The following CALCR variants were observed in gnomAD, a reference collection of about 807,000 sequenced individuals.
CALCR encodes the protein calcitonin receptor.
In CALCR, 47 loss-of-function variants were observed where a neutral mutation model predicts 59.5. The ratio of observed to expected loss-of-function variants is 0.79; its 90% CI spans 0.63 to 1.01. The LOEUF (loss-of-function observed/expected upper bound fraction) is 1.01, where lower values mean the gene tolerates loss of function less well. Ranked by LOEUF, CALCR falls within the 50% of genes least tolerant of loss-of-function variation. The probability of loss-of-function intolerance (pLI) is 0.00; values close to 1 mark genes in which losing one functional copy is unlikely to be tolerated. For missense variants in CALCR, 566 were observed against 597.1 expected, an observed-to-expected ratio of 0.95 and a Z score of 0.54; for synonymous variants, 213 against 211.3, an observed-to-expected ratio of 1.01 and a Z score of -0.07.
chr7:93,554,025 G>C (rs1410697903), intron 2 of CALCR, among the ~76,000 whole-genome samples: 1 of 152,130 alleles, frequency 6.6e-6, no homozygotes, highest in African/African-American at 2.4e-5. Context: ...GCTTTTGTTA[G>C]TTTGTTTAAG....
intron 2 of CALCR, among the ~76,000 whole-genome samples, chr7:93,564,571 G>T (rs2116275883): frequency 6.6e-6 from 1 of 152,128 alleles, no homozygotes; most frequent in East Asian, 1.9e-4. Flanking sequence ...TCCTGCCTCA[G>T]CCTCCCAAGT....
intron 7 of CALCR, among the ~76,000 whole-genome samples, chr7:93,463,200 C>T (rs1800374478): frequency 6.6e-6 from 1 of 151,598 alleles, no homozygotes; most frequent in Non-Finnish European, 1.5e-5. Flanking sequence ...TGTTGTTCAA[C>T]ACTAGTTAAA....
chr7:93,498,119 A>G (rs1261074461), intron 2 of CALCR, among the ~76,000 whole-genome samples: 1 of 151,706 alleles, frequency 6.6e-6, no homozygotes, highest in Non-Finnish European at 1.5e-5. Flanking sequence ...GAAACAAAAC[A>G]ATGATATAAG....
chr7:93,438,404 T>C (rs374452124), intron 9 of CALCR, 134 bp from the exon 10 acceptor site: 8 of 691,750 alleles, frequency 1.2e-5, no homozygotes, highest in African/African-American at 9.0e-5. Context: ...TCCCCTGATA[T>C]TTTCACAAAA....
rs981351624 is a variant in CALCR at position 93,426,294 on chromosome 7, T to C, written c.*62A>G. ...CTGGGAGGATGGAGAATACTTTAAA[T>C]GCATGGTCTTTCTCCCAGGAAATGA... On this transcript the variant is annotated 3_prime_UTR_variant, in exon 14 of 14. Coordinates refer to ENST00000426151, the MANE Select transcript of CALCR (RefSeq NM_001742.4). 4.3e-5 allele frequency: 39 copies of C among 910,120 alleles called. No homozygotes were observed. The highest frequency in any genetic ancestry group is 1.2e-4 in the Admixed American group (7 of 57,910). 56.4% of individuals were successfully genotyped at this position (910,120 alleles called of 1,614,324 possible).
intron 3 of CALCR, among the ~76,000 whole-genome samples, chr7:93,484,568 A>C (rs1682547716): frequency 6.6e-6 from 1 of 151,782 alleles, no homozygotes; most frequent in Non-Finnish European, 1.5e-5. Context: ...CACATTTCAA[A>C]ATAAGAAAGG....
At chr7:93,476,701 T>C (rs1291383775) in intron 5 of CALCR, among the ~76,000 whole-genome samples, 2 of 151,866 alleles carry the variant, frequency 1.3e-5, no homozygotes, top group African/African-American at 2.4e-5. Flanking sequence ...GCACAACAGC[T>C]CTTCGTGCCA....
At chr7:93,449,044 T>C (rs1440594029) in intron 8 of CALCR, among the ~76,000 whole-genome samples, 1 of 151,990 alleles carries the variant, frequency 6.6e-6, no homozygotes, top group Non-Finnish European at 1.5e-5. Context: ...ATTTAAAAAT[T>C]ATTTCGAAAT....
intron 2 of CALCR, among the ~76,000 whole-genome samples, chr7:93,525,392 C>T (rs1003350516): frequency 6.6e-6 from 1 of 152,036 alleles, no homozygotes; most frequent in Non-Finnish European, 1.5e-5. Flanking sequence ...TCAGAAGTGA[C>T]CTGGTTGGAT....
At chr7:93,500,507 A>G (rs1228396231) in intron 2 of CALCR, among the ~76,000 whole-genome samples, 1 of 152,004 alleles carries the variant, frequency 6.6e-6, no homozygotes, top group Non-Finnish European at 1.5e-5. Flanking sequence ...ACCAATACTT[A>G]CTAGCAATAA....
chr7:93,525,555 C>T (rs1183791372), intron 2 of CALCR, among the ~76,000 whole-genome samples: 1 of 152,192 alleles, frequency 6.6e-6, no homozygotes, highest in Non-Finnish European at 1.5e-5. Context: ...TCAATTCAAA[C>T]CTACTTTGTC....
At chr7:93,496,003 A>T (rs1801193876) in intron 2 of CALCR, 6 of 1,217,354 alleles carry the variant, frequency 4.9e-6, no homozygotes, top group Non-Finnish European at 6.9e-6. Context: ...AAAATCAGTA[A>T]ATCAATGATA....
At chr7:93,465,121 C>T (rs192296014) in intron 7 of CALCR, among the ~76,000 whole-genome samples, 66 of 151,968 alleles carry the variant, frequency 4.3e-4, no homozygotes, top group Admixed American at 7.9e-4. Context: ...ACATGGATAA[C>T]AATGAGTCAA....
chr7:93,435,515 C>T (rs1160052399), intron 12 of CALCR, among the ~76,000 whole-genome samples: 2 of 152,100 alleles, frequency 1.3e-5, no homozygotes, highest in African/African-American at 4.8e-5. Flanking sequence ...AATGTTATGA[C>T]ATTGAAGATC....
At chr7:93,528,346 T>C (rs1346053354) in intron 2 of CALCR, among the ~76,000 whole-genome samples, 1 of 152,232 alleles carries the variant, frequency 6.6e-6, no homozygotes, top group African/African-American at 2.4e-5. Context: ...GTTACATATG[T>C]ATACATGTGC....
In CALCR at chr7:93,458,770, G is replaced by A. The variant is rs143273250; in HGVS notation, c.648+2051C>T. On this transcript the variant is annotated intron_variant, in intron 8 of 13. Coordinates refer to ENST00000426151, the MANE Select transcript of CALCR (RefSeq NM_001742.4). ...CCCTCCACTTGTCCATTCAGGCCTG[G>A]GGTGATAATAGTCCCTACTGTTACT... Among the ~76,000 whole-genome samples, 396 of 152,080 alleles carry A rather than the reference G, an allele frequency of 2.6e-3. 3 individuals carry two copies. Among genetic ancestry groups the A allele is most frequent in the African/African-American group, 8.5e-3 (352 of 41,504 alleles).
chr7:93,519,515 T>C (rs1351183313), intron 2 of CALCR, among the ~76,000 whole-genome samples: 1 of 152,086 alleles, frequency 6.6e-6, no homozygotes, highest in Non-Finnish European at 1.5e-5. Context: ...TAAATACATA[T>C]AAAATATTTG....
At chr7:93,570,743 T>C (rs1413133905) in intron 2 of CALCR, among the ~76,000 whole-genome samples, 3 of 152,178 alleles carry the variant, frequency 2.0e-5, no homozygotes, top group Non-Finnish European at 4.4e-5. Context: ...TGCTGCCAGC[T>C]TCAATGAGGT....
chr7:93,504,068 A>G (rs1482610957), intron 2 of CALCR, among the ~76,000 whole-genome samples: 3 of 152,198 alleles, frequency 2.0e-5, no homozygotes, highest in Non-Finnish European at 4.4e-5. Flanking sequence ...TGTAATTACA[A>G]AATTATAAAG....
Sources: gnomAD v4.1 joint callset for allele counts (sites outside exome capture counted in the v4.1 genomes callset) on GRCh38, gnomAD v4.1.1 for gene constraint, MANE v1.5 for transcripts, NCBI Gene and HGNC (gene_info 2026-07-23, HGNC 2026-07-21) for gene names.